NRK: variants seen among roughly 807,000 people sequenced by gnomAD.
NRK encodes nik-related protein kinase.
In NRK, 67 loss-of-function variants were observed where a neutral mutation model predicts 125.2. That is an observed-to-expected ratio of 0.54 (90% CI 0.44 to 0.66). The LOEUF (loss-of-function observed/expected upper bound fraction) is 0.66. Among genes scored for constraint, NRK ranks in the 30% least tolerant of loss-of-function variants. NRK has a pLI of 0.00. For missense variants in NRK, 1,224 were observed against 1,192.9 expected (o/e 1.03, Z -0.38); for synonymous variants, 458 against 429.0 (o/e 1.07, Z -0.84).
At chrX:105,838,418 A>G (rs903118842) in intron 2 of NRK, among the ~76,000 whole-genome samples, 25 of 110,791 alleles carry the variant, frequency 2.3e-4, no homozygotes, top group East Asian at 1.7e-3. Flanking sequence ...GGTTAATACT[A>G]GTGAGGTGAG....
intron 16 of NRK, among the ~76,000 whole-genome samples, chrX:105,921,354 G>A (rs1293074125): frequency 2.9e-5 from 3 of 104,953 alleles, no homozygotes; most frequent in Admixed American, 1.0e-4. Flanking sequence ...GTGGGGAGGG[G>A]TAGCATTGGG....
intron 9 of NRK, 136 bp downstream of exon 9, chrX:105,900,808 T>C: frequency 4.9e-6 from 2 of 408,724 alleles, no homozygotes; most frequent in Non-Finnish European, 8.5e-6. Flanking sequence ...GGTGTCATAC[T>C]ATGTGCCAAA....
chrX:105,828,826 C>G (rs1006437907), intron 1 of NRK, among the ~76,000 whole-genome samples: 4 of 111,633 alleles, frequency 3.6e-5, no homozygotes, highest in African/African-American at 1.3e-4. Flanking sequence ...ATATAATGAT[C>G]TATTTTTACT....
At chrX:105,826,263 T>A (rs1222632702) in intron 1 of NRK, among the ~76,000 whole-genome samples, 2 of 75,432 alleles carry the variant, frequency 2.7e-5, no homozygotes, top group African/African-American at 1.2e-4. Context: ...AATATATATT[T>A]CATATATAAT....
At chrX:105,823,268 C>T (rs1010430988) in intron 1 of NRK, among the ~76,000 whole-genome samples, 5 of 112,208 alleles carry the variant, frequency 4.5e-5, no homozygotes, top group African/African-American at 1.6e-4. Flanking sequence ...AGTGCAACGT[C>T]GGGTGGCTTC....
intron 17 of NRK, 33 bp from the exon 18 acceptor site, chrX:105,923,085 T>G (rs1170809252): frequency 8.7e-7 from 1 of 1,144,388 alleles, no homozygotes; most frequent in Non-Finnish European, 1.2e-6. Flanking sequence ...TGAAAGCTAC[T>G]AGAGGCTACA....
At chrX:105,890,304 A>G (rs189793324) in intron 5 of NRK, among the ~76,000 whole-genome samples, 4 of 111,758 alleles carry the variant, frequency 3.6e-5, no homozygotes, top group African/African-American at 1.3e-4. Flanking sequence ...GGTCAAGGTC[A>G]TTCAACAAGT....
At chrX:105,844,766 GAAAT>G (rs1166024256) in intron 2 of NRK, among the ~76,000 whole-genome samples, 1 of 111,835 alleles carries the variant, frequency 8.9e-6, no homozygotes, top group Non-Finnish European at 1.9e-5. Flanking sequence ...TTTGTTTAAA[GAAAT>G]AAATAGCAAA....
intron 2 of NRK, among the ~76,000 whole-genome samples, chrX:105,879,083 A>G (rs764916006): frequency 1.8e-5 from 2 of 110,184 alleles, no homozygotes; most frequent in South Asian, 7.7e-4. Flanking sequence ...TATCACTGCA[A>G]TTTCTTCTTG....
intron 2 of NRK, among the ~76,000 whole-genome samples, chrX:105,871,041 C>T (rs1319840162): frequency 1.8e-5 from 2 of 111,569 alleles, no homozygotes; most frequent in African/African-American, 3.3e-5. Flanking sequence ...TCACATGTCC[C>T]CATAGTTGAT....
intron 23 of NRK, among the ~76,000 whole-genome samples, chrX:105,942,403 C>A (rs1458377260): frequency 9.0e-6 from 1 of 111,476 alleles, no homozygotes; most frequent in Non-Finnish European, 1.9e-5. Flanking sequence ...TTGTAAATAT[C>A]TGTTTTTTTA....
At chrX:105,884,776 C>T (rs2039921648) in intron 4 of NRK, among the ~76,000 whole-genome samples, 2 of 111,737 alleles carry the variant, frequency 1.8e-5, no homozygotes, top group Non-Finnish European at 3.8e-5. Context: ...ATTTCAGAAC[C>T]GGAAGTCTTT....
chrX:105,823,800 G>A (rs887411172), intron 1 of NRK, among the ~76,000 whole-genome samples: 13 of 111,505 alleles, frequency 1.2e-4, no homozygotes, highest in African/African-American at 4.2e-4. Context: ...CATTTCACTC[G>A]CACCCTGTCT....
At chrX:105,845,024 G>A (rs772529682) in intron 2 of NRK, among the ~76,000 whole-genome samples, 13 of 111,160 alleles carry the variant, frequency 1.2e-4, no homozygotes, top group Non-Finnish European at 2.1e-4. Flanking sequence ...ACTACAATTC[G>A]TGAATTGTAT....
intron 2 of NRK, among the ~76,000 whole-genome samples, chrX:105,870,252 A>G (rs916921013): frequency 2.1e-4 from 23 of 112,037 alleles, no homozygotes; most frequent in African/African-American, 7.5e-4. Flanking sequence ...CATGCTTTCC[A>G]TATACTTTGG....
At chrX:105,935,748 G>A (rs1480101222) in intron 21 of NRK, among the ~76,000 whole-genome samples, 2 of 107,489 alleles carry the variant, frequency 1.9e-5, no homozygotes, top group Non-Finnish European at 3.8e-5. Context: ...CAGAGATCAC[G>A]CCACTGCACT....
At chrX:105,856,022 A>G (rs1260249916) in intron 2 of NRK, among the ~76,000 whole-genome samples, 1 of 111,774 alleles carries the variant, frequency 8.9e-6, no homozygotes, top group Non-Finnish European at 1.9e-5. Context: ...AGTTTCCTGT[A>G]ATCGTTCCTT....
At chrX:105,854,671 CT>C (rs1295269240) in intron 2 of NRK, among the ~76,000 whole-genome samples, 1 of 111,634 alleles carries the variant, frequency 9.0e-6, no homozygotes, top group Non-Finnish European at 1.9e-5. Context: ...GATAAATGTT[CT>C]TCTATTCTTT....
chrX:105,850,172 A>G (rs1288239815), intron 2 of NRK, among the ~76,000 whole-genome samples: 1 of 112,434 alleles, frequency 8.9e-6, no homozygotes, highest in Non-Finnish European at 1.9e-5. Flanking sequence ...CAGGCTCAAC[A>G]CTATGTGGAA....
Sources: allele counts gnomAD v4.1 joint callset (sites outside exome capture counted in the v4.1 genomes callset), GRCh38; gene constraint gnomAD v4.1.1; transcripts MANE v1.5; gene names NCBI Gene and HGNC (gene_info 2026-07-23, HGNC 2026-07-21).